The following PDE8B variants were observed in gnomAD, a reference collection of about 807,000 sequenced individuals.
PDE8B encodes phosphodiesterase 8B, also known as high affinity cAMP-specific and IBMX-insensitive 3',5'-cyclic phosphodiesterase 8B.
A neutral mutation model predicts 101.3 loss-of-function variants in PDE8B; 26 were observed. The observed-to-expected ratio is 0.26, with a 90% CI of 0.19 to 0.36. The LOEUF (loss-of-function observed/expected upper bound fraction) is 0.36. Among genes scored for constraint, PDE8B ranks in the 10% least tolerant of loss-of-function variants. PDE8B has a pLI of 1.00. For synonymous variants in PDE8B, 424 were observed against 429.3 expected, an observed-to-expected ratio of 0.99 and a Z score of 0.15; for missense variants, 810 against 1,163.1, an observed-to-expected ratio of 0.70 and a Z score of 4.42.
chr5:77,258,907 G>A (rs1759775026), intron 1 of PDE8B, among the ~76,000 whole-genome samples: 1 of 152,066 alleles, frequency 6.6e-6, no homozygotes, highest in Non-Finnish European at 1.5e-5. Context: ...GGTCTGGGCA[G>A]GGGCAGTGAG....
the PDE8B span, among the ~76,000 whole-genome samples, chr5:77,163,360 A>G: frequency 1.3e-5 from 2 of 152,216 alleles, no homozygotes; most frequent in Non-Finnish European, 2.9e-5. Context: ...TGGTGTTCAC[A>G]TATATCAGTT....
chr5:77,247,791 A>C (rs1460270745), intron 1 of PDE8B, among the ~76,000 whole-genome samples: 1 of 152,110 alleles, frequency 6.6e-6, no homozygotes, highest in Non-Finnish European at 1.5e-5. Flanking sequence ...GAGAGGTGGA[A>C]ATCATGTCCT....
At chr5:77,221,475 G>T (rs1024295806) in intron 1 of PDE8B, among the ~76,000 whole-genome samples, 1 of 152,194 alleles carries the variant, frequency 6.6e-6, no homozygotes, top group African/African-American at 2.4e-5. Flanking sequence ...GGTGGAGGTT[G>T]TCTCTTTTCT....
intron 20 of PDE8B, among the ~76,000 whole-genome samples, chr5:77,423,048 TC>T (rs1382513756): frequency 1.3e-5 from 2 of 152,328 alleles, no homozygotes; most frequent in East Asian, 3.9e-4. Flanking sequence ...TGTCTACTGT[TC>T]CAGTTTCTGC....
chr5:77,178,458 C>T, the PDE8B span, among the ~76,000 whole-genome samples: 3 of 152,160 alleles, frequency 2.0e-5, no homozygotes, highest in Admixed American at 2.0e-4. Context: ...TGCTGTTCTG[C>T]TTTTCCTTGT....
At chr5:77,187,527 G>T in the PDE8B span, among the ~76,000 whole-genome samples, 11 of 152,202 alleles carry the variant, frequency 7.2e-5, no homozygotes, top group South Asian at 2.3e-3. Flanking sequence ...TTCATATCTT[G>T]TAGGACTGTC....
chr5:77,179,173 C>T, the PDE8B span, among the ~76,000 whole-genome samples: 2 of 152,340 alleles, frequency 1.3e-5, no homozygotes, highest in African/African-American at 4.8e-5. Context: ...AAAAACGTGG[C>T]GAAGGCCATA....
intron 14 of PDE8B, 121 bp downstream of exon 14, chr5:77,409,178 T>A (rs1794064464): frequency 1.3e-6 from 1 of 789,614 alleles, no homozygotes; most frequent in Admixed American, 2.0e-5. Context: ...AACGTTAGCA[T>A]AACCAGAAGC....
At chr5:77,183,389 AT>A in the PDE8B span, among the ~76,000 whole-genome samples, 1 of 152,142 alleles carries the variant, frequency 6.6e-6, no homozygotes, top group East Asian at 1.9e-4. Flanking sequence ...AAGTGCTGGG[AT>A]TACAGGCATG....
chr5:77,393,812 G>C (rs1369768353), intron 10 of PDE8B, among the ~76,000 whole-genome samples: 1 of 152,060 alleles, frequency 6.6e-6, no homozygotes. Context: ...AAATATCTTG[G>C]TTCCTGGGCC....
At chr5:77,087,285 T>A in the PDE8B span, 2 of 152,496 alleles carry the variant, frequency 1.3e-5, no homozygotes, top group African/African-American at 4.8e-5. Flanking sequence ...CCGTCACGTG[T>A]GGCCTTCGCC....
At position 77,290,685 on chromosome 5, in the gene PDE8B, A is replaced by G. The variant is rs138255644; in HGVS notation, c.340-21309A>G. The G allele has an allele frequency of 2.0e-4, 297 of 1,507,050 alleles. 2 individuals are homozygous for G. In the African/African-American group the frequency reaches 3.8e-3, roughly 19 times the overall value. The allele number at this position is 1,507,050 out of a possible 1,614,324, so 93.4% of individuals were successfully genotyped here. On this transcript the variant is annotated intron_variant, in intron 1 of 21. Coordinates refer to ENST00000264917, the MANE Select transcript of PDE8B (RefSeq NM_003719.5). ...TTTATCAAGGATGATTGGAGGACCT[A>G]TCTTGCCTTCTGAAAGACCTGGCCA... is the stretch of plus-strand genomic sequence containing the variant.
chr5:77,309,907 A>G (rs967065937), intron 1 of PDE8B, among the ~76,000 whole-genome samples: 7 of 136,276 alleles, frequency 5.1e-5, no homozygotes, highest in Non-Finnish European at 9.3e-5. Flanking sequence ...GGCATGAGCC[A>G]CCATGCCCAA....
chr5:77,267,095 G>C (rs1761873566), intron 1 of PDE8B, among the ~76,000 whole-genome samples: 1 of 152,056 alleles, frequency 6.6e-6, no homozygotes. Context: ...TTGCTCAGTT[G>C]AGTGACTCAT....
At chr5:77,188,933 C>T in the PDE8B span, among the ~76,000 whole-genome samples, 1 of 152,130 alleles carries the variant, frequency 6.6e-6, no homozygotes, top group Non-Finnish European at 1.5e-5. Flanking sequence ...AGGCTGGGGA[C>T]CACCACATTA....
chr5:77,166,539 G>A, the PDE8B span: 10 of 152,336 alleles, frequency 6.6e-5, no homozygotes, highest in Middle Eastern at 0.01. Context: ...GAATAATGAC[G>A]CCTATCTAAG....
chr5:77,206,084 CAAAT>C (rs1442745044), upstream of PDE8B, among the ~76,000 whole-genome samples: 3 of 151,852 alleles, frequency 2.0e-5, no homozygotes, highest in African/African-American at 7.3e-5. Flanking sequence ...TAAAAACAAA[CAAAT>C]AAAATAACCC....
chr5:77,290,207 G>C, intron 1 of PDE8B: 1 of 1,538,928 alleles, frequency 6.5e-7, no homozygotes, highest in East Asian at 2.4e-5. Flanking sequence ...CTCGCGCACT[G>C]TGTGTGCACG....
At chr5:77,092,347 A>G in the PDE8B span, 5 of 152,176 alleles carry the variant, frequency 3.3e-5, no homozygotes, top group African/African-American at 1.2e-4. Context: ...TCAAATATCT[A>G]ATAACTTTTC....
Sources: gnomAD v4.1 joint callset for allele counts (sites outside exome capture counted in the v4.1 genomes callset) on GRCh38, gnomAD v4.1.1 for gene constraint, MANE v1.5 for transcripts, NCBI Gene and HGNC (gene_info 2026-07-23, HGNC 2026-07-21) for gene names.